Variants in CADPS observed in about 807,000 individuals in gnomAD.
CADPS encodes the protein calcium-dependent secretion activator 1.
A neutral mutation model predicts 167.3 loss-of-function variants in CADPS; 57 were observed. That is an observed-to-expected ratio of 0.34 (90% CI 0.28 to 0.42). CADPS has a LOEUF of 0.42. CADPS is among the 20% of genes least tolerant of loss of function. The pLI is 1.00. For missense variants in CADPS, 1,414 were observed against 1,738.1 expected (o/e 0.81, Z 3.32); for synonymous variants, 676 against 635.3 (o/e 1.06, Z -0.96).
At chr3:62,531,297 T>A (rs1366265631) in intron 13 of CADPS, among the ~76,000 whole-genome samples, 2 of 152,032 alleles carry the variant, frequency 1.3e-5, no homozygotes, top group African/African-American at 4.8e-5. Context: ...GTGTACATAT[T>A]TATAAAAAGC....
At chr3:62,768,100 A>T (rs1197691123) in intron 1 of CADPS, among the ~76,000 whole-genome samples, 1 of 152,318 alleles carries the variant, frequency 6.6e-6, no homozygotes, top group Non-Finnish European at 1.5e-5. Context: ...TGACCCATGG[A>T]GCAGAGCACA....
At chr3:62,860,686 C>T (rs2080624445) in intron 1 of CADPS, among the ~76,000 whole-genome samples, 1 of 152,148 alleles carries the variant, frequency 6.6e-6, no homozygotes, top group Admixed American at 6.5e-5. Flanking sequence ...CAAATCTTAC[C>T]ACCTCTATTA....
intron 6 of CADPS, among the ~76,000 whole-genome samples, chr3:62,634,067 G>T (rs7646027): frequency 6.6e-6 from 1 of 151,962 alleles, no homozygotes; most frequent in African/African-American, 2.4e-5. Context: ...CGTTGACAGC[G>T]ACATTGACAG....
At chr3:62,442,592 G>C (rs2056530554) in intron 27 of CADPS, among the ~76,000 whole-genome samples, 1 of 152,094 alleles carries the variant, frequency 6.6e-6, no homozygotes, top group Non-Finnish European at 1.5e-5. Flanking sequence ...AATTTGCATG[G>C]TGTAAATACT....
intron 3 of CADPS, among the ~76,000 whole-genome samples, chr3:62,737,374 C>G (rs924117985): frequency 1.3e-5 from 2 of 151,698 alleles, no homozygotes; most frequent in African/African-American, 4.8e-5. Flanking sequence ...GAGGCTGAGG[C>G]AGGAGGATTG....
rs1043040525 is a variant in CADPS, at chr3:62,602,085, A to T, written c.1326-9337T>A. ...TTTCATTAGAATTTTTCCCCCCATG[A>T]ACAAAAAACAACATTTGCCACATAG... On this transcript the variant is annotated intron_variant, in intron 6 of 29. Coordinates refer to ENST00000383710, the MANE Select transcript of CADPS (RefSeq NM_003716.4). This position sits in a 1 kb window ranked among gnomAD's most constrained non-coding sequence, Gnocchi z 4.4. Among the ~76,000 whole-genome samples, 4 of 152,154 alleles carry T rather than the reference A, an allele frequency of 2.6e-5. No homozygotes were observed. The highest frequency in any genetic ancestry group is 5.9e-5 in the Non-Finnish European group (4 of 68,038).
chr3:62,827,085 G>GACAAGCAGCAA (rs1179782124), intron 1 of CADPS, among the ~76,000 whole-genome samples: 1 of 152,194 alleles, frequency 6.6e-6, no homozygotes, highest in African/African-American at 2.4e-5. Context: ...TAGATAATTT[G>GACAAGCAGCAA]ATTGCAGACA....
chr3:62,535,735 A>C (rs2074563058), intron 12 of CADPS, among the ~76,000 whole-genome samples: 1 of 152,090 alleles, frequency 6.6e-6, no homozygotes, highest in East Asian at 1.9e-4. Flanking sequence ...TTTGAATTTG[A>C]TAGTTTAAAG....
intron 3 of CADPS, among the ~76,000 whole-genome samples, chr3:62,741,573 T>C (rs781329421): frequency 1.3e-5 from 2 of 152,054 alleles, no homozygotes; most frequent in African/African-American, 2.4e-5. Flanking sequence ...AAATCCAACA[T>C]CCATTCATGT....
At chr3:62,427,062 G>C (rs941039795) in intron 28 of CADPS, among the ~76,000 whole-genome samples, 4 of 142,890 alleles carry the variant, frequency 2.8e-5, no homozygotes, top group Non-Finnish European at 6.1e-5. Context: ...GTGACAGAGC[G>C]AGACTCCGTA....
intron 15 of CADPS, 73 bp from the exon 16 acceptor site, chr3:62,516,255 C>A: frequency 1.3e-6 from 2 of 1,555,452 alleles, no homozygotes; most frequent in Non-Finnish European, 1.8e-6. Flanking sequence ...TTCTTAGAAG[C>A]GTGAAAGTTT....
In CADPS at chr3:62,421,801, GT is replaced by G. The variant is rs1463678055; in HGVS notation, c.3777+16302del. Among the ~76,000 whole-genome samples the G allele has an allele frequency of 2.6e-5, 4 of 152,102 alleles. No individual in the cohort carries two copies. The highest frequency in any genetic ancestry group is 6.5e-5 in the Admixed American group (1 of 15,272). On this transcript the variant is annotated intron_variant, in intron 28 of 29. Coordinates refer to ENST00000383710, the MANE Select transcript of CADPS (RefSeq NM_003716.4). The surrounding 1 kb of genome is among the most constrained non-coding windows in gnomAD (Gnocchi z 4.7). Reference sequence around the variant, plus strand: ...GGATGGAGGGATGCCCCGGGTCTGGGTTTTTTTGGAGTGTGCTATTGTTTGT... The same window carrying G: ...GGATGGAGGGATGCCCCGGGTCTGGGTTTTTTGGAGTGTGCTATTGTTTGT...
At chr3:62,652,773 ACT>A (rs1165340908) in intron 4 of CADPS, among the ~76,000 whole-genome samples, 2 of 152,116 alleles carry the variant, frequency 1.3e-5, no homozygotes, top group Non-Finnish European at 2.9e-5. Context: ...ACAGAAAGGA[ACT>A]CTGACTTTTA....
At chr3:62,541,534 A>T (rs1031279976) in intron 11 of CADPS, among the ~76,000 whole-genome samples, 21 of 152,176 alleles carry the variant, frequency 1.4e-4, no homozygotes, top group Non-Finnish European at 4.4e-5. Flanking sequence ...AGACTTACGG[A>T]GAGCAGGTGC....
chr3:62,586,296 C>T (rs1426754452), intron 7 of CADPS, among the ~76,000 whole-genome samples: 2 of 152,140 alleles, frequency 1.3e-5, no homozygotes, highest in Non-Finnish European at 2.9e-5. Context: ...TCTCTAGGTG[C>T]AAGGATGGCA....
chr3:62,686,537 A>T (rs1442917932), intron 3 of CADPS, among the ~76,000 whole-genome samples: 1 of 150,554 alleles, frequency 6.6e-6, no homozygotes, highest in Non-Finnish European at 1.5e-5. Context: ...GCTAATGTAC[A>T]CTACAAGTGA....
At chr3:62,763,979 T>C (rs1296216493) in intron 2 of CADPS, among the ~76,000 whole-genome samples, 1 of 152,230 alleles carries the variant, frequency 6.6e-6, no homozygotes, top group African/African-American at 2.4e-5. Context: ...AGAGACTCAT[T>C]AGCACCTTGA....
chr3:62,415,481 C>A (rs2049877109), intron 28 of CADPS, among the ~76,000 whole-genome samples: 1 of 151,792 alleles, frequency 6.6e-6, no homozygotes, highest in Non-Finnish European at 1.5e-5. Context: ...GTAGCCCCCA[C>A]CCCCCCAACT....
intron 26 of CADPS, among the ~76,000 whole-genome samples, chr3:62,462,565 C>G (rs2059484930): frequency 6.6e-6 from 1 of 152,204 alleles, no homozygotes; most frequent in Non-Finnish European, 1.5e-5. Flanking sequence ...ATGGCTCATC[C>G]TTGGCAGCTC....
Sources: allele counts gnomAD v4.1 joint callset (sites outside exome capture counted in the v4.1 genomes callset), GRCh38; gene constraint gnomAD v4.1.1; non-coding constraint Gnocchi (gnomAD v3.1); transcripts MANE v1.5; gene names NCBI Gene and HGNC (gene_info 2026-07-23, HGNC 2026-07-21).